Variants in SPINT1 observed in about 807,000 individuals in gnomAD.
The protein encoded by SPINT1 is serine peptidase inhibitor, Kunitz type 1, also known as kunitz-type protease inhibitor 1.
SPINT1 carries 38 observed loss-of-function variants against 53.7 expected under a neutral mutation model. The observed-to-expected ratio is 0.71, with a 90% CI of 0.55 to 0.93. SPINT1 has a LOEUF of 0.93. SPINT1 is among the 40% of genes least tolerant of loss of function. SPINT1 has a pLI of 0.00. For synonymous variants in SPINT1, 283 were observed against 280.6 expected (o/e 1.01, Z -0.08); for missense variants, 645 against 692.9 (o/e 0.93, Z 0.78).
chr15:40,854,555 CA>C (rs1288958281), intron 7 of SPINT1, 33 bp downstream of exon 7: 3 of 1,613,446 alleles, frequency 1.9e-6, no homozygotes, highest in Non-Finnish European at 2.5e-6. Flanking sequence ...GGTTGGGCAG[CA>C]GACAGGGAGG....
rs1426745923 is a variant in SPINT1, at chr15:40,844,701, C to A, written c.147C>A (p.Asp49Glu). Residue 49 changes from aspartate to glutamate, a missense_variant, in exon 2 of 11, where the codon GAC becomes GAA. Physicochemically the swap from Asp to Glu is conservative, Grantham distance 45. Transcript: ENST00000562057. The surrounding 1 kb of genome is among the most constrained non-coding windows in gnomAD (Gnocchi z 5.8). ...PAPPGLPAGA[D>E]CLNSFTAGVP... ...CCCCTGGGCTGCCCGCGGGAGCCGA[C>A]TGCCTGAACAGCTTTACCGCCGGGG... is the stretch of plus-strand genomic sequence containing the variant. 1 of 1,608,558 alleles carries A rather than the reference C, an allele frequency of 6.2e-7. No homozygotes were observed. The highest frequency in any genetic ancestry group is 1.3e-5 in the African/African-American group (1 of 74,860).
rs1891212576 is a variant in SPINT1, at chr15:40,844,531, G to T, written c.-24G>T. 1.2e-6 allele frequency: 2 copies of T among 1,608,456 alleles called. No individual in the cohort carries two copies. Among genetic ancestry groups the T allele is most frequent in the Non-Finnish European group, 1.7e-6 (2 of 1,177,582 alleles). On this transcript the variant is annotated 5_prime_UTR_variant, in exon 2 of 11. Transcript: ENST00000562057. The surrounding 1 kb of genome is among the most constrained non-coding windows in gnomAD (Gnocchi z 5.8). ...GAACCCAGAGGCCCGCGCTCTGAAG[G>T]TGACCCCCCTGGGGAGGAAGGCGAT...
intron 10 of SPINT1, 90 bp downstream of exon 10, chr15:40,856,413 T>C: frequency 6.6e-7 from 1 of 1,525,852 alleles, no homozygotes; most frequent in South Asian, 1.1e-5. Context: ...TAACCTGTGT[T>C]GAGAAGGATG....
In SPINT1 at chr15:40,855,921, C is replaced by T; in HGVS notation, c.1147C>T (p.Leu383Phe). The T allele has an allele frequency of 6.2e-7, 1 of 1,614,172 alleles. No homozygotes were observed. The highest frequency in any genetic ancestry group is 8.5e-7 in the Non-Finnish European group (1 of 1,180,010). ...GHCVDLPDTGLCKESIPRWYY... is the reference protein window; with the variant it reads ...GHCVDLPDTGFCKESIPRWYY... ...CTGCGTGGACCTGCCAGACACAGGA[C>T]TCTGCAAGGAGAGCATCCCGCGCTG... is the stretch of plus-strand genomic sequence containing the variant. Residue 383 changes from leucine (L) to phenylalanine (F), a missense_variant, in exon 9 of 11, where the codon CTC becomes TTC. Transcript: ENST00000562057.
chr15:40,852,217 C>T (rs1596150094), intron 2 of SPINT1, among the ~76,000 whole-genome samples: 2 of 152,178 alleles, frequency 1.3e-5, no homozygotes, highest in South Asian at 2.1e-4. Context: ...CCTCTGTCTT[C>T]GCGTGGCCTT....
In SPINT1 at chr15:40,844,591, G is replaced by T. The variant is rs781566038; in HGVS notation, c.37G>T (p.Ala13Ser). Residue 13 changes from alanine to serine, a missense_variant, in exon 2 of 11, where the codon GCC becomes TCC. Coordinates refer to ENST00000562057, the MANE Select transcript of SPINT1 (RefSeq NM_003710.4). This position sits in a 1 kb window ranked among gnomAD's most constrained non-coding sequence, Gnocchi z 5.8. ...GAGGACGATGGCCCGCGCCCGCCTC[G>T]CCCCGGCCGGCATCCCTGCCGTCGC... ...PARTMARARL[A>S]PAGIPAVALW... The T allele has an allele frequency of 8.7e-6, 14 of 1,609,372 alleles. No homozygotes were observed. In the South Asian group the frequency reaches 1.5e-4, roughly 18 times the overall value.
chr15:40,847,202 G>C (rs1233040810), intron 2 of SPINT1, among the ~76,000 whole-genome samples: 1 of 152,220 alleles, frequency 6.6e-6, no homozygotes, highest in African/African-American at 2.4e-5. Flanking sequence ...TGAGCTCCAG[G>C]CCATTCTAGG....
At chr15:40,856,406 C>T (rs774263716) in intron 10 of SPINT1, 83 bp downstream of exon 10, 3 of 1,560,920 alleles carry the variant, frequency 1.9e-6, no homozygotes, top group Non-Finnish European at 2.6e-6. Flanking sequence ...GACAGCCTAA[C>T]CTGTGTTGAG....
intron 2 of SPINT1, among the ~76,000 whole-genome samples, chr15:40,847,860 T>C (rs1891342603): frequency 6.6e-6 from 1 of 152,052 alleles, no homozygotes; most frequent in African/African-American, 2.4e-5. Flanking sequence ...GTCTGTCTGC[T>C]AGGCAGACTG....
In SPINT1 at chr15:40,856,282, ATG is replaced by A. The variant is rs2142017522; in HGVS notation, c.1299_1300del (p.Phe434TrpfsTer73). The A allele has an allele frequency of 1.2e-6, 2 of 1,613,954 alleles. No individual in the cohort carries two copies. Among genetic ancestry groups the A allele is most frequent in the East Asian group, 4.5e-5 (2 of 44,882 alleles). ...TCCCCTCATCATTCTGCAGAGAAGG[ATG>A]TGTTTGGCCTGAGGCGGGAAATCCC... is the stretch of plus-strand genomic sequence containing the variant. On this transcript the variant is annotated frameshift_variant, in exon 10 of 11. Coordinates refer to ENST00000562057, the MANE Select transcript of SPINT1 (RefSeq NM_003710.4). LOFTEE classifies it high-confidence loss of function.
Position 40,854,454 on chromosome 15 carries a change from A to G in SPINT1, c.998A>G (p.Asp333Gly), listed in dbSNP as rs751704058. The G allele has an allele frequency of 6.2e-7, 1 of 1,613,384 alleles. No individual in the cohort carries two copies. Among genetic ancestry groups the G allele is most frequent in the South Asian group, 1.1e-5 (1 of 91,008 alleles). The change falls in exon 7 of 11, where the codon GAC becomes GGC. Residue 333 changes from aspartate (D) to glycine (G), a missense_variant. Transcript: ENST00000562057. ...QFRCSNGCCI[D>G]SFLECDDTPN... ...CGCTGCAGCAATGGCTGCTGCATCG[A>G]CAGTTTCCTGGAGTGTGACGACACC...
At position 40,856,259 on chromosome 15, in the gene SPINT1, C is replaced by G; in HGVS notation, c.1289-17C>G. 6.2e-7 allele frequency: 1 copy of G among 1,614,090 alleles called. No homozygotes were observed. The highest frequency in any genetic ancestry group is 1.3e-5 in the African/African-American group (1 of 75,020). On this transcript the variant is annotated splice_polypyrimidine_tract_variant and intron_variant, in intron 9 of 10. Transcript: ENST00000562057. Reference sequence around the variant, plus strand: ...AGCCCTCAGTACTGACTGGTCTTTCCCCTCATCATTCTGCAGAGAAGGATG... The same window carrying G: ...AGCCCTCAGTACTGACTGGTCTTTCGCCTCATCATTCTGCAGAGAAGGATG...
In SPINT1 at chr15:40,854,656, G is replaced by T; in HGVS notation, c.1084G>T (p.Glu362Ter). 2 of 1,614,156 alleles carry T rather than the reference G, an allele frequency of 1.2e-6. No individual in the cohort carries two copies. The highest frequency in any genetic ancestry group is 8.5e-7 in the Non-Finnish European group (1 of 1,180,048). Residue 362 changes from glutamate to a stop codon, truncating the protein, a stop_gained, in exon 8 of 11, where the codon GAG (glutamate) becomes TAG (stop). Transcript: ENST00000562057. LOFTEE classifies it high-confidence loss of function. ...ACEKYTSGFD[E>*]LQRIHFPSDK... ...CTCTGCAGACACGAGTGGCTTTGACGAGCTCCAGCGCATCCATTTCCCCAG... is the reference window on the plus strand; with the variant it reads ...CTCTGCAGACACGAGTGGCTTTGACTAGCTCCAGCGCATCCATTTCCCCAG...
rs151160609 is a variant in SPINT1 at position 40,853,803 on chromosome 15, G to A, written c.835G>A (p.Val279Ile). Residue 279 changes from valine (V) to isoleucine (I), a missense_variant, in exon 5 of 11, where the codon GTT (valine) becomes ATT (isoleucine). Val to Ile is a conservative substitution (Grantham distance 29). Transcript: ENST00000562057. Reference protein sequence around the residue: ...DPTEQICKSFVYGGCLGNKNN... With the variant: ...DPTEQICKSFIYGGCLGNKNN... The stretch of plus-strand genomic sequence containing the variant: ...CACGGAGCAGATCTGCAAGAGTTTC[G>A]TTTATGGAGGCTGCTTGGGCAACAA... The A allele has an allele frequency of 5.3e-5, 85 of 1,614,096 alleles. No individual in the cohort carries two copies. The highest frequency in any genetic ancestry group is 8.9e-5 in the East Asian group (4 of 44,902).
At position 40,854,489 on chromosome 15, in the gene SPINT1, C is replaced by CCCGACGCCT. The variant is rs1195441255; in HGVS notation, c.1040_1048dup (p.Ala347_Asp349dup). ...GGAGTGTGACGACACCCCCAACTGC[C>CCCGACGCCT]CCGACGCCTCCGACGAGGCTGCCTG... On this transcript the variant is annotated inframe_insertion, in exon 7 of 11. Coordinates refer to ENST00000562057, the MANE Select transcript of SPINT1 (RefSeq NM_003710.4). 9 of 1,613,408 alleles carry CCCGACGCCT rather than the reference C, an allele frequency of 5.6e-6. No homozygotes were observed. The highest frequency in any genetic ancestry group is 3.3e-5 in the Admixed American group (2 of 59,864).
In SPINT1 at chr15:40,844,719, C is replaced by T. The variant is rs776710634; in HGVS notation, c.165C>T (p.Thr55=). The T allele has an allele frequency of 3.1e-6, 5 of 1,608,866 alleles. No homozygotes were observed. Among genetic ancestry groups the T allele is most frequent in the Admixed American group, 1.7e-5 (1 of 59,624 alleles). Residue 55 remains threonine, a synonymous_variant, in exon 2 of 11, where the codon ACC becomes ACT. Coordinates refer to ENST00000562057, the MANE Select transcript of SPINT1 (RefSeq NM_003710.4). This position sits in a 1 kb window ranked among gnomAD's most constrained non-coding sequence, Gnocchi z 5.8. ...PAGADCLNSF[T]AGVPGFVLDT... is the part of the protein sequence containing the mutation. Reference sequence around the variant, plus strand: ...GAGCCGACTGCCTGAACAGCTTTACCGCCGGGGTGCCTGGCTTCGTGCTGG... The same window carrying T: ...GAGCCGACTGCCTGAACAGCTTTACTGCCGGGGTGCCTGGCTTCGTGCTGG...
intron 2 of SPINT1, among the ~76,000 whole-genome samples, chr15:40,852,097 G>T (rs139505388): frequency 4.7e-4 from 71 of 152,330 alleles, no homozygotes; most frequent in African/African-American, 1.6e-3. Context: ...CAAGGTGTCA[G>T]CAGGGCTGTG....
chr15:40,854,218 C>A, intron 6 of SPINT1, 132 bp downstream of exon 6: 1 of 1,353,404 alleles, frequency 7.4e-7, no homozygotes, highest in East Asian at 2.3e-5. Context: ...CCACAAACAT[C>A]CCACCCCTTC....
chr15:40,853,611 C>T lies in SPINT1; in HGVS notation c.726C>T (p.Ser242=). Residue 242 remains serine (S), a synonymous_variant, in exon 4 of 11, where the codon TCC becomes TCT. Transcript: ENST00000562057. The part of the protein sequence containing the change: ...DTANVTVTVL[S]TKQTEDYCLA... ...CCAACGTCACAGTCACTGTGCTGTC[C>T]ACCAAGCAGACAGAAGGTGAGGGAG... The T allele has an allele frequency of 1.2e-6, 2 of 1,614,000 alleles. No individual in the cohort carries two copies. Among genetic ancestry groups the T allele is most frequent in the Non-Finnish European group, 1.7e-6 (2 of 1,179,936 alleles).
Sources: gnomAD v4.1 joint callset for allele counts (sites outside exome capture counted in the v4.1 genomes callset) on GRCh38, gnomAD v4.1.1 for gene constraint, Gnocchi (gnomAD v3.1) non-coding constraint, MANE v1.5 for transcripts, NCBI Gene and HGNC (gene_info 2026-07-23, HGNC 2026-07-21) for gene names.